Variants in NUDCD3 observed in about 807,000 individuals in gnomAD.
NUDCD3 encodes NudC domain containing 3.
NUDCD3 carries 13 observed loss-of-function variants against 39.7 expected under a neutral mutation model. The ratio of observed to expected loss-of-function variants is 0.33; its 90% CI spans 0.21 to 0.52. The LOEUF (loss-of-function observed/expected upper bound fraction) is 0.52. Among genes scored for constraint, NUDCD3 ranks in the 20% least tolerant of loss-of-function variants. The pLI is 0.96. For synonymous variants in NUDCD3, 175 were observed against 172.4 expected (o/e 1.02, Z -0.12); for missense variants, 453 against 458.1 (o/e 0.99, Z 0.10).
intron 5 of NUDCD3, 66 bp from the exon 6 acceptor site, chr7:44,386,187 ACT>A: frequency 6.5e-7 from 1 of 1,543,846 alleles, no homozygotes; most frequent in Middle Eastern, 1.7e-4. Context: ...CCCAGAGCAG[ACT>A]CTGACTGCAG....
At chr7:44,438,245 A>G (rs760255385) in intron 2 of NUDCD3, among the ~76,000 whole-genome samples, 6 of 152,088 alleles carry the variant, frequency 3.9e-5, no homozygotes, top group Non-Finnish European at 8.8e-5. Context: ...TCTTTACCCA[A>G]TTTTATTTTC....
intron 2 of NUDCD3, among the ~76,000 whole-genome samples, chr7:44,458,804 CTGGTATGGTGTGCCATGTGCACT>C (rs1217451545): frequency 6.6e-6 from 1 of 152,134 alleles, no homozygotes; most frequent in African/African-American, 2.4e-5. Context: ...GTACATGTGT[CTGGTATGGTGTGCCATGTGCACT>C]TGGTGTGATG....
chr7:44,383,345 G>A lies in NUDCD3; in HGVS notation c.*2666C>T, dbSNP rs1431084974. On this transcript the variant is annotated 3_prime_UTR_variant, in exon 6 of 6. Coordinates refer to ENST00000355451, the MANE Select transcript of NUDCD3 (RefSeq NM_015332.4). ...AACTACAGAATTCCAGAACCTGTTT[G>A]AAAGGATGTAAGATCTATAGCTACA... The A allele has an allele frequency of 2.6e-5, 4 of 152,260 alleles. No individual in the cohort carries two copies. Among genetic ancestry groups the A allele is most frequent in the African/African-American group, 9.7e-5 (4 of 41,450 alleles). 9.4% of individuals were successfully genotyped at this position (152,260 alleles called of 1,614,324 possible).
intron 2 of NUDCD3, among the ~76,000 whole-genome samples, chr7:44,480,023 C>T (rs1164027236): frequency 6.6e-6 from 1 of 152,312 alleles, no homozygotes; most frequent in African/African-American, 2.4e-5. Flanking sequence ...AGGATTCTTG[C>T]GGTACCAGTC....
chr7:44,420,570 G>A (rs1799118512), intron 3 of NUDCD3, among the ~76,000 whole-genome samples: 1 of 152,106 alleles, frequency 6.6e-6, no homozygotes, highest in South Asian at 2.1e-4. Context: ...AGGTTGAAAC[G>A]AAGGAAAAAA....
intron 2 of NUDCD3, among the ~76,000 whole-genome samples, chr7:44,439,157 T>C (rs1029980157): frequency 3.3e-5 from 5 of 152,076 alleles, no homozygotes; most frequent in Admixed American, 1.3e-4. Flanking sequence ...CCAATCATCA[T>C]TGGAAGAAGG....
chr7:44,473,732 C>T (rs1269485436), intron 2 of NUDCD3, among the ~76,000 whole-genome samples: 1 of 152,074 alleles, frequency 6.6e-6, no homozygotes, highest in Non-Finnish European at 1.5e-5. Flanking sequence ...ACCCTAAATC[C>T]AACTCCAACT....
At chr7:44,419,986 A>G (rs1799107722) in intron 3 of NUDCD3, among the ~76,000 whole-genome samples, 2 of 152,176 alleles carry the variant, frequency 1.3e-5, no homozygotes, top group Non-Finnish European at 2.9e-5. Flanking sequence ...ACAAAACTGG[A>G]CAGAGAATGA....
intron 2 of NUDCD3, among the ~76,000 whole-genome samples, chr7:44,478,035 T>C (rs914207681): frequency 1.3e-5 from 2 of 152,054 alleles, no homozygotes; most frequent in Non-Finnish European, 2.9e-5. Context: ...AGTTTCACCA[T>C]GTTGGTGAGG....
At chr7:44,469,115 C>CAAAAAAAAAAAAAAA (rs756247647) in intron 2 of NUDCD3, among the ~76,000 whole-genome samples, 2 of 32,844 alleles carry the variant, frequency 6.1e-5, no homozygotes, top group African/African-American at 1.4e-4. Context: ...ACAAACAAAC[C>CAAAAAAAAAAAAAAA]AAAAAAAAAA....
intron 2 of NUDCD3, among the ~76,000 whole-genome samples, chr7:44,457,190 C>T (rs1185396785): frequency 6.6e-6 from 1 of 152,118 alleles, no homozygotes; most frequent in Non-Finnish European, 1.5e-5. Flanking sequence ...TGAGATTTAA[C>T]AAAAAGTAAG....
intron 3 of NUDCD3, among the ~76,000 whole-genome samples, chr7:44,406,651 CA>C (rs1213458520): frequency 6.6e-6 from 1 of 152,172 alleles, no homozygotes; most frequent in African/African-American, 2.4e-5. Context: ...GGGAGAAAAC[CA>C]GACAAGAAAT....
At chr7:44,405,250 C>A (rs557376553) in intron 3 of NUDCD3, among the ~76,000 whole-genome samples, 121 of 152,354 alleles carry the variant, frequency 7.9e-4, no homozygotes, top group African/African-American at 2.8e-3. Flanking sequence ...CCTCAGCTCA[C>A]CCTCCTCCCT....
chr7:44,391,498 G>T lies in NUDCD3; in HGVS notation c.975+799C>A, dbSNP rs764397035. ...AGAGACAAAATGAGAAGAAAATATC[G>T]ATCAGCGATCTTCAGGGGGAGGAGG... On this transcript the variant is annotated intron_variant, in intron 5 of 5. Coordinates refer to ENST00000355451, the MANE Select transcript of NUDCD3 (RefSeq NM_015332.4). Among the ~76,000 whole-genome samples, 100 of 152,096 alleles carry T rather than the reference G, an allele frequency of 6.6e-4. 1 individual carries two copies. Among genetic ancestry groups the T allele is most frequent in the Non-Finnish European group, 1.3e-4 (9 of 68,020 alleles).
intron 2 of NUDCD3, among the ~76,000 whole-genome samples, chr7:44,434,794 C>T (rs1031526325): frequency 6.6e-6 from 1 of 152,236 alleles, no homozygotes; most frequent in African/African-American, 2.4e-5. Flanking sequence ...CGCACAGCAA[C>T]CAGGTAACGG....
At chr7:44,473,824 A>C (rs1480237718) in intron 2 of NUDCD3, among the ~76,000 whole-genome samples, 1 of 152,112 alleles carries the variant, frequency 6.6e-6, no homozygotes, top group East Asian at 1.9e-4. Flanking sequence ...ATACAAACAA[A>C]CAACTTGATT....
intron 2 of NUDCD3, among the ~76,000 whole-genome samples, chr7:44,431,517 C>G (rs1352197953): frequency 1.3e-5 from 2 of 152,120 alleles, no homozygotes; most frequent in East Asian, 1.9e-4. Context: ...GCTAGCAGCA[C>G]TGCCACCAGG....
In NUDCD3 at chr7:44,465,639, T is replaced by C. The variant is rs17132222; in HGVS notation, c.509+19329A>G. 4.2e-3 allele frequency among the ~76,000 whole-genome samples: 645 copies of C among 152,274 alleles called. 7 individuals carry two copies. The highest frequency in any genetic ancestry group is 0.015 in the African/African-American group (614 of 41,542). ...ATAGATAAGTATGCTTGTATTTTCA[T>C]AGACTATCTCCTGACCGGTACACCA... On this transcript the variant is annotated intron_variant, in intron 2 of 5. Coordinates refer to ENST00000355451, the MANE Select transcript of NUDCD3 (RefSeq NM_015332.4).
intron 4 of NUDCD3, among the ~76,000 whole-genome samples, chr7:44,403,304 T>A (rs79771170): frequency 1.3e-5 from 2 of 152,154 alleles, no homozygotes; most frequent in Admixed American, 6.5e-5. Flanking sequence ...ACTCTACACA[T>A]CACACATAGG....
Sources: allele counts gnomAD v4.1 joint callset (sites outside exome capture counted in the v4.1 genomes callset), GRCh38; gene constraint gnomAD v4.1.1; transcripts MANE v1.5; gene names NCBI Gene and HGNC (gene_info 2026-07-23, HGNC 2026-07-21).